MPDZ: variants seen among roughly 807,000 people sequenced by gnomAD.
MPDZ encodes the protein multiple PDZ domain crumbs cell polarity complex component.
MPDZ carries 234 observed loss-of-function variants against 239.1 expected under a neutral mutation model. The ratio of observed to expected loss-of-function variants is 0.98; its 90% CI spans 0.88 to 1.09. MPDZ has a LOEUF of 1.09. MPDZ is among the 50% of genes least tolerant of loss of function. MPDZ has a pLI of 0.00. For missense variants in MPDZ, 3,175 were observed against 2,510.0 expected, an observed-to-expected ratio of 1.26 and a Z score of -5.66; for synonymous variants, 1,048 against 881.3, an observed-to-expected ratio of 1.19 and a Z score of -3.35.
chr9:13,225,406 T>C (rs1365356070), intron 3 of MPDZ, among the ~76,000 whole-genome samples: 1 of 151,800 alleles, frequency 6.6e-6, no homozygotes, highest in Non-Finnish European at 1.5e-5. Flanking sequence ...ACTCAACCAT[T>C]ATATTGGCTA....
chr9:13,110,204 C>T, intron 44 of MPDZ, 140 bp from the exon 45 acceptor site: 1 of 656,942 alleles, frequency 1.5e-6, no homozygotes, highest in Non-Finnish European at 2.6e-6. Context: ...AAAATACAAC[C>T]AAAGAGAATG....
chr9:13,257,032 G>A (rs56009005), intron 1 of MPDZ, among the ~76,000 whole-genome samples: 7,637 of 152,200 alleles, frequency 0.05, 252 homozygotes, highest in South Asian at 0.085. Context: ...GTTCCAAGGC[G>A]TGGGACAACT....
intron 35 of MPDZ, among the ~76,000 whole-genome samples, chr9:13,124,898 G>A (rs541326422): frequency 4.6e-5 from 7 of 152,230 alleles, no homozygotes; most frequent in African/African-American, 1.2e-4. Context: ...TGGAATCAAG[G>A]TGCCCTTAGC....
intron 3 of MPDZ, among the ~76,000 whole-genome samples, chr9:13,235,701 T>C (rs1036170693): frequency 2.0e-5 from 3 of 152,186 alleles, no homozygotes; most frequent in African/African-American, 7.2e-5. Context: ...CCAAGAATGC[T>C]GATGGAGTCA....
chr9:13,225,256 T>C (rs1564076325), intron 3 of MPDZ, among the ~76,000 whole-genome samples: 1 of 152,072 alleles, frequency 6.6e-6, no homozygotes, highest in Non-Finnish European at 1.5e-5. Flanking sequence ...GGTTAATTTA[T>C]TATTGAAGGA....
chr9:13,244,751 T>C (rs1180675069), intron 3 of MPDZ, among the ~76,000 whole-genome samples: 1 of 152,130 alleles, frequency 6.6e-6, no homozygotes, highest in Non-Finnish European at 1.5e-5. Context: ...AAATTAAACA[T>C]TATTGAATAG....
intron 42 of MPDZ, among the ~76,000 whole-genome samples, chr9:13,112,739 T>C (rs1942702974): frequency 6.6e-6 from 1 of 152,190 alleles, no homozygotes; most frequent in Non-Finnish European, 1.5e-5. Flanking sequence ...AAGGTTTACT[T>C]ATAAGAAGTG....
rs1047949985 is a variant in MPDZ at position 13,279,285 on chromosome 9, C to G, written c.-58+115G>C. The stretch of plus-strand genomic sequence containing the variant: ...CCCACCCCCACCCCCATCCCCGCCC[C>G]CACCCCCACCCCCAAGCGCCGAGCC... On this transcript the variant is annotated intron_variant, in intron 1 of 46. Coordinates refer to ENST00000319217, the MANE Select transcript of MPDZ (RefSeq NM_001378778.1). 2.9e-5 allele frequency: 4 copies of G among 138,474 alleles called. 1 individual carries two copies. Among genetic ancestry groups the G allele is most frequent in the Admixed American group, 7.0e-5 (1 of 14,270 alleles). The allele number at this position is 138,474 out of a possible 1,614,324, so 8.6% of individuals were successfully genotyped here.
At chr9:13,251,640 C>T (rs1047860005) in intron 1 of MPDZ, among the ~76,000 whole-genome samples, 1 of 152,144 alleles carries the variant, frequency 6.6e-6, no homozygotes, top group Admixed American at 6.5e-5. Context: ...AAGAACAAGT[C>T]GCCTCCTGTT....
At position 13,269,332 on chromosome 9, in the gene MPDZ, G is replaced by A. The variant is rs541785755; in HGVS notation, c.-58+10068C>T. Among the ~76,000 whole-genome samples the A allele has an allele frequency of 1.2e-3, 183 of 152,300 alleles. 1 individual carries two copies. The highest frequency in any genetic ancestry group is 2.0e-3 in the Non-Finnish European group (133 of 68,002). On this transcript the variant is annotated intron_variant, in intron 1 of 46. Coordinates refer to ENST00000319217, the MANE Select transcript of MPDZ (RefSeq NM_001378778.1). ...GAGTTTGAAATGCCTCTAGAAAACAGGAAATAATTGAATTTTAATTTCATG... is the reference window on the plus strand; with the variant it reads ...GAGTTTGAAATGCCTCTAGAAAACAAGAAATAATTGAATTTTAATTTCATG...
intron 1 of MPDZ, chr9:13,276,511 C>A (rs1162694183): frequency 6.6e-6 from 1 of 152,104 alleles, no homozygotes; most frequent in Non-Finnish European, 1.5e-5. Context: ...CTACTTTAGG[C>A]CAAATATCTA....
At chr9:13,244,759 T>C (rs1439117262) in intron 3 of MPDZ, among the ~76,000 whole-genome samples, 1 of 152,132 alleles carries the variant, frequency 6.6e-6, no homozygotes, top group Admixed American at 6.6e-5. Context: ...CATTATTGAA[T>C]AGAAGTAATG....
intron 11 of MPDZ, 68 bp downstream of exon 11, chr9:13,205,848 T>C: frequency 2.2e-6 from 3 of 1,378,882 alleles, no homozygotes; most frequent in Admixed American, 5.3e-5. Context: ...AGTAAGTTAC[T>C]TTGGAATTTA....
At chr9:13,133,564 CT>C (rs1431404718) in intron 32 of MPDZ, among the ~76,000 whole-genome samples, 3 of 152,160 alleles carry the variant, frequency 2.0e-5, no homozygotes, top group East Asian at 3.9e-4. Context: ...AGCTGGACCC[CT>C]GATAAAGTAT....
intron 35 of MPDZ, among the ~76,000 whole-genome samples, chr9:13,123,610 T>C (rs1174391135): frequency 6.6e-6 from 1 of 152,124 alleles, no homozygotes; most frequent in Non-Finnish European, 1.5e-5. Flanking sequence ...GAGAACAGAA[T>C]TAAATTGAAC....
At position 13,121,801 on chromosome 9, in the gene MPDZ, G is replaced by A. The variant is rs369130700; in HGVS notation, c.5169C>T (p.Thr1723=). 19 of 1,613,652 alleles carry A rather than the reference G, an allele frequency of 1.2e-5. No individual in the cohort carries two copies. Among genetic ancestry groups the A allele is most frequent in the Admixed American group, 5.0e-5 (3 of 59,988 alleles). Residue 1723 remains threonine (T), a synonymous_variant, in exon 38 of 47, where the codon ACC becomes ACT. Coordinates refer to ENST00000319217, the MANE Select transcript of MPDZ (RefSeq NM_001378778.1). ...GCTTCTTCTGCAGCTCAATAGTGAG[G>A]GTGTCACACACTTCCTCCTCTTTGT... ...APYKEEEVCD[T]LTIELQKKPG...
At chr9:13,277,516 G>A (rs1420604900) in intron 1 of MPDZ, among the ~76,000 whole-genome samples, 4 of 152,104 alleles carry the variant, frequency 2.6e-5, no homozygotes, top group African/African-American at 9.7e-5. Flanking sequence ...TATTGTATTA[G>A]AAGATCAAGT....
intron 20 of MPDZ, 60 bp from the exon 21 acceptor site, chr9:13,175,935 T>C: frequency 1.3e-6 from 2 of 1,528,550 alleles, no homozygotes; most frequent in African/African-American, 1.4e-5. Flanking sequence ...CTTTGGAGCG[T>C]GATTTCAACA....
chr9:13,107,308 T>A (rs1485271534), intron 46 of MPDZ, among the ~76,000 whole-genome samples, 197 bp from the exon 47 acceptor site: 1 of 152,154 alleles, frequency 6.6e-6, no homozygotes, highest in Non-Finnish European at 1.5e-5. Context: ...GGTTTTAGCA[T>A]TGAGATACCA....
Sources: gnomAD v4.1 joint callset for allele counts (sites outside exome capture counted in the v4.1 genomes callset) on GRCh38, gnomAD v4.1.1 for gene constraint, MANE v1.5 for transcripts, NCBI Gene and HGNC (gene_info 2026-07-23, HGNC 2026-07-21) for gene names.